The following LRRC71 variants were observed in gnomAD, a reference collection of about 807,000 sequenced individuals.
LRRC71 encodes the protein leucine-rich repeat-containing protein 71.
LRRC71 carries 54 observed loss-of-function variants against 66.6 expected under a neutral mutation model. The observed-to-expected ratio is 0.81, with a 90% CI of 0.65 to 1.02. The LOEUF is 1.02. Ranked by LOEUF, LRRC71 falls within the 50% of genes least tolerant of loss-of-function variation. The pLI is 0.00. For synonymous variants in LRRC71, 323 were observed against 303.9 expected, an observed-to-expected ratio of 1.06 and a Z score of -0.65; for missense variants, 724 against 718.0, an observed-to-expected ratio of 1.01 and a Z score of -0.10.
intron 11 of LRRC71, among the ~76,000 whole-genome samples, chr1:156,930,042 TTC>T (rs368046683): frequency 3.6e-5 from 5 of 140,284 alleles, no homozygotes; most frequent in Non-Finnish European, 1.5e-5. Flanking sequence ...TTTTCTTTCT[TTC>T]TCTTTCTTTC....
At chr1:156,931,869 G>C (rs958660757) in intron 12 of LRRC71, 47 bp from the exon 13 acceptor site, 3 of 1,427,022 alleles carry the variant, frequency 2.1e-6, no homozygotes, top group Non-Finnish European at 2.9e-6. Flanking sequence ...ATGGCCTGTT[G>C]ACCAGCTCCC....
At chr1:156,936,025 T>C, downstream of LRRC71, 1 of 1,613,840 alleles carries the variant, frequency 6.2e-7, no homozygotes, top group Non-Finnish European at 8.5e-7. Context: ...CGCGGCTGCG[T>C]CTGCTGTGCT....
At chr1:156,939,471 G>C in the LRRC71 span, 1 of 1,591,432 alleles carries the variant, frequency 6.3e-7, no homozygotes, top group South Asian at 1.1e-5. Context: ...GTATAGGGAA[G>C]GAAGCAGCTG....
Position 156,932,474 on chromosome 1 carries a change from T to C in LRRC71, c.1492T>C (p.Tyr498His). 1.2e-6 allele frequency: 2 copies of C among 1,613,888 alleles called. No homozygotes were observed. Among genetic ancestry groups the C allele is most frequent in the African/African-American group, 1.3e-5 (1 of 75,012 alleles). ...GGAGGGCTTCCTCGCCACGGTGCAGTATCAGATGCAGTTCTCCAAGGCCAA... is the reference window on the plus strand; with the variant it reads ...GGAGGGCTTCCTCGCCACGGTGCAGCATCAGATGCAGTTCTCCAAGGCCAA... ...GLEGFLATVQYQMQFSKAKSA... is the reference protein window; with the variant it reads ...GLEGFLATVQHQMQFSKAKSA... The change falls in exon 14 of 15, where the codon TAT becomes CAT. Residue 498 changes from tyrosine (Y) to histidine (H), a missense_variant. Transcript: ENST00000337428.
At chr1:156,934,531 A>G (rs1483554964), downstream of LRRC71, among the ~76,000 whole-genome samples, 1 of 152,064 alleles carries the variant, frequency 6.6e-6, no homozygotes, top group Non-Finnish European at 1.5e-5. Context: ...ATATATGTGT[A>G]TATATATGTG....
At chr1:156,926,963 A>G (rs1653296807) in intron 5 of LRRC71, among the ~76,000 whole-genome samples, 1 of 152,212 alleles carries the variant, frequency 6.6e-6, no homozygotes. Flanking sequence ...GGACCACTGA[A>G]GGCCATCTTA....
downstream of LRRC71, chr1:156,935,975 G>A (rs370106134): frequency 1.3e-4 from 216 of 1,604,192 alleles, no homozygotes; most frequent in Non-Finnish European, 1.7e-4. Flanking sequence ...GAGTGGGGAC[G>A]CAGAGGATTT....
chr1:156,927,220 GA>G lies in LRRC71; in HGVS notation c.614del (p.Asn205ThrfsTer74). 6.2e-7 allele frequency: 1 copy of G among 1,613,266 alleles called. No homozygotes were observed. The highest frequency in any genetic ancestry group is 8.5e-7 in the Non-Finnish European group (1 of 1,179,660). On this transcript the variant is annotated frameshift_variant, in exon 6 of 15. Transcript: ENST00000337428. LOFTEE classifies it high-confidence loss of function. Reference protein sequence around the residue: ...STLRKVSLEGNPLPEQSYHKL... With the variant: ...STLRKVSLEGXPLPEQSYHKL... ...CCCTCAGGAAGGTGTCTCTGGAGGGGAACCCACTGCCGGAGCAGTCCTATCA... is the reference window on the plus strand; with the variant it reads ...CCCTCAGGAAGGTGTCTCTGGAGGGGACCCACTGCCGGAGCAGTCCTATCA...
intron 4 of LRRC71, 109 bp from the exon 5 acceptor site, chr1:156,924,829 C>T (rs1652946074): frequency 4.5e-6 from 5 of 1,120,314 alleles, no homozygotes; most frequent in Middle Eastern, 2.2e-4. Context: ...GTGGGGAGGT[C>T]GGGGGTGGGG....
intron 9 of LRRC71, among the ~76,000 whole-genome samples, chr1:156,928,457 TCTC>T (rs760132805): frequency 4.4e-5 from 6 of 136,240 alleles, no homozygotes; most frequent in Admixed American, 2.3e-4. Context: ...CTCCTCTTCT[TCTC>T]CTTCTTCTCT....
At chr1:156,931,018 C>T (rs995275362) in intron 12 of LRRC71, among the ~76,000 whole-genome samples, 1 of 152,184 alleles carries the variant, frequency 6.6e-6, no homozygotes, top group African/African-American at 2.4e-5. Flanking sequence ...TCAGCAGCTC[C>T]CTGAGGAAGG....
chr1:156,936,499 T>TAAAAA (rs1389872908), downstream of LRRC71, among the ~76,000 whole-genome samples: 1 of 74,906 alleles, frequency 1.3e-5, no homozygotes, highest in Admixed American at 1.3e-4. Flanking sequence ...AAAAAAAAAA[T>TAAAAA]ATATATATAT....
chr1:156,931,230 C>T (rs182854617), intron 12 of LRRC71, among the ~76,000 whole-genome samples: 21 of 152,278 alleles, frequency 1.4e-4, no homozygotes, highest in Admixed American at 1.4e-3. Context: ...GCCTGAGCAT[C>T]CGCCTCTCTT....
chr1:156,928,494 T>TTCTTCCTCCTCCTCCTCC (rs1653744168), intron 9 of LRRC71, among the ~76,000 whole-genome samples: 1 of 143,292 alleles, frequency 7.0e-6, no homozygotes, highest in African/African-American at 2.7e-5. Flanking sequence ...CCTCCTCCTC[T>TTCTTCCTCCTCCTCCTCC]TCTTCCTCCT....
Position 156,932,873 on chromosome 1 carries a change from A to G in LRRC71, c.1584A>G (p.Gln528=). The change falls in exon 15 of 15, where the codon CAA becomes CAG. Residue 528 remains glutamine, a synonymous_variant. Transcript: ENST00000337428. The stretch of plus-strand genomic sequence containing the variant: ...TTCAGAAAAATTGCTTCGCCCCACA[A>G]TGTCCTGCGTACGCCATAATCCAGG... ...LSLAKNCFAP[Q]CPAYAIIQEL... is the part of the protein sequence containing the mutation. 6.2e-7 allele frequency: 1 copy of G among 1,609,724 alleles called. No homozygotes were observed. Among genetic ancestry groups the G allele is most frequent in the Non-Finnish European group, 8.5e-7 (1 of 1,178,242 alleles).
downstream of LRRC71, chr1:156,937,069 G>C: frequency 6.3e-7 from 1 of 1,585,180 alleles, no homozygotes. Flanking sequence ...CTGGGGAAGG[G>C]GTCTGTGCTG....
chr1:156,929,178 C>G (rs1016312605), intron 9 of LRRC71, 102 bp from the exon 10 acceptor site: 1 of 1,400,726 alleles, frequency 7.1e-7, no homozygotes, highest in Non-Finnish European at 9.6e-7. Context: ...AGGGTGCTGT[C>G]AGCTCGACTG....
At chr1:156,935,928 A>T, downstream of LRRC71, 1 of 1,517,910 alleles carries the variant, frequency 6.6e-7, no homozygotes, top group Non-Finnish European at 9.0e-7. Context: ...GATCCCCCCT[A>T]CCCTGTGCCC....
In LRRC71 at chr1:156,932,885, C is replaced by T. The variant is rs112423332; in HGVS notation, c.1596C>T (p.Tyr532=). 9,386 of 1,608,850 alleles carry T rather than the reference C, an allele frequency of 5.8e-3. 59 individuals are homozygous for T. The highest frequency in any genetic ancestry group is 6.9e-3 in the Non-Finnish European group (8,152 of 1,177,700). ...KNCFAPQCPA[Y]AIIQELMLPR... is the part of the protein sequence containing the mutation. The stretch of plus-strand genomic sequence containing the variant: ...GCTTCGCCCCACAATGTCCTGCGTA[C>T]GCCATAATCCAGGAGCTGATGTTGC... The change falls in exon 15 of 15, where the codon TAC becomes TAT. Residue 532 remains tyrosine (Y), a synonymous_variant. Transcript: ENST00000337428.
Sources: gnomAD v4.1 joint callset for allele counts (sites outside exome capture counted in the v4.1 genomes callset) on GRCh38, gnomAD v4.1.1 for gene constraint, MANE v1.5 for transcripts, NCBI Gene and HGNC (gene_info 2026-07-23, HGNC 2026-07-21) for gene names.